CACNA1E: variants seen among roughly 807,000 people sequenced by gnomAD.
The protein encoded by CACNA1E is voltage-dependent R-type calcium channel subunit alpha-1E.
In CACNA1E, 40 loss-of-function variants were observed where a neutral mutation model predicts 259.2. The observed-to-expected ratio is 0.15, with a 90% confidence interval of 0.12 to 0.20. CACNA1E has a LOEUF of 0.20. Among genes scored for constraint, CACNA1E ranks in the 10% least tolerant of loss-of-function variants. CACNA1E has a pLI of 1.00. For synonymous variants in CACNA1E, 1,104 were observed against 1,138.5 expected, an observed-to-expected ratio of 0.97 and a Z score of 0.61; for missense variants, 1,874 against 3,040.1, an observed-to-expected ratio of 0.62 and a Z score of 9.02.
chr1:181,716,967 C>G, intron 10 of CACNA1E, 126 bp from the exon 11 acceptor site: 1 of 729,428 alleles, frequency 1.4e-6, no homozygotes, highest in Non-Finnish European at 2.4e-6. Context: ...TGGGGATTCC[C>G]CACACCTGCA....
Position 181,775,007 on chromosome 1 carries a change from A to G in CACNA1E, c.5140-1094A>G, listed in dbSNP as rs1186756001. ...TATCACCAGGTCCAGGTTTCTCTCT[A>G]TTTACAGATCTCTGCCTCCACCTTG... On this transcript the variant is annotated intron_variant, in intron 37 of 47. Transcript: ENST00000367573. Among the ~76,000 whole-genome samples the G allele has an allele frequency of 3.3e-5, 5 of 152,142 alleles. No homozygotes were observed. In the East Asian group the frequency reaches 5.8e-4, roughly 18 times the overall value.
At chr1:181,662,662 T>C (rs1048281950) in intron 7 of CACNA1E, among the ~76,000 whole-genome samples, 4 of 152,216 alleles carry the variant, frequency 2.6e-5, no homozygotes, top group South Asian at 2.1e-4. Context: ...AAATGTTAGC[T>C]GTTAGTAGCA....
rs1655547376 is a variant in CACNA1E at position 181,732,177 on chromosome 1, T to C, written c.2298-207T>C. ...ACAAAGCAGGGATTGGAGCAGAAAG[T>C]ACCTGGGCTGGGAGGCACCTGCCTG... is the stretch of plus-strand genomic sequence containing the variant. On this transcript the variant is annotated intron_variant, in intron 19 of 47. Transcript: ENST00000367573. The surrounding 1 kb of genome is among the most constrained non-coding windows in gnomAD (Gnocchi z 5.5). Among the ~76,000 whole-genome samples, 1 of 152,040 alleles carries C rather than the reference T, an allele frequency of 6.6e-6. No individual in the cohort carries two copies. The highest frequency in any genetic ancestry group is 1.5e-5 in the Non-Finnish European group (1 of 67,998).
intron 3 of CACNA1E, among the ~76,000 whole-genome samples, chr1:181,545,285 C>A (rs1282427316): frequency 2.0e-5 from 3 of 152,194 alleles, no homozygotes; most frequent in Non-Finnish European, 4.4e-5. Context: ...AAAATATTAA[C>A]CCCTGTTACA....
intron 6 of CACNA1E, among the ~76,000 whole-genome samples, chr1:181,613,301 A>G (rs1654913698): frequency 6.6e-6 from 1 of 152,204 alleles, no homozygotes; most frequent in Non-Finnish European, 1.5e-5. Context: ...AAAAATCCAC[A>G]TATAACTTTT....
intron 29 of CACNA1E, 151 bp from the exon 30 acceptor site, chr1:181,756,774 G>T (rs1658124834): frequency 3.2e-6 from 2 of 619,810 alleles, no homozygotes; most frequent in Admixed American, 5.3e-5. Context: ...TTGATAGCAG[G>T]ATATGACAAC....
chr1:181,483,847 C>G lies in CACNA1E; in HGVS notation c.103C>G (p.Gln35Glu). ...RQGTPVPASG[Q>E]AAAYKQTKAQ... ...AGGAACCCCCGTGCCGGCCTCGGGG[C>G]AGGCGGCCGCCTACAAGCAGACGAA... The change falls in exon 1 of 48, where the codon CAG becomes GAG. Residue 35 changes from glutamine (Q) to glutamate (E), a missense_variant. Coordinates refer to ENST00000367573, the MANE Select transcript of CACNA1E (RefSeq NM_001205293.3). The G allele has an allele frequency of 6.2e-7, 1 of 1,613,766 alleles. No homozygotes were observed. Among genetic ancestry groups the G allele is most frequent in the Non-Finnish European group, 8.5e-7 (1 of 1,179,818 alleles).
At position 181,737,544 on chromosome 1, in the gene CACNA1E, T is replaced by C; in HGVS notation, c.3442T>C (p.Tyr1148His). ...CCGCAGGATCCGGAGGGCCTGCCAC[T>C]ACATCGTGAACCTGCGCTACTTTGA... ...TTNPIRRACHYIVNLRYFEMC... is the reference protein window; with the variant it reads ...TTNPIRRACHHIVNLRYFEMC... The change falls in exon 23 of 48, where the codon TAC becomes CAC. Residue 1148 changes from tyrosine to histidine, a missense_variant. Tyr to His is a moderately conservative substitution (Grantham distance 83). Transcript: ENST00000367573. 6.2e-7 allele frequency: 1 copy of C among 1,613,980 alleles called. No individual in the cohort carries two copies.
chr1:181,586,855 T>C (rs566210851), intron 6 of CACNA1E, among the ~76,000 whole-genome samples: 6 of 151,980 alleles, frequency 3.9e-5, no homozygotes, highest in African/African-American at 1.4e-4. Context: ...TTGAGTGGAG[T>C]AGGAAGGATT....
At chr1:181,560,037 T>C (rs1385149941) in intron 3 of CACNA1E, among the ~76,000 whole-genome samples, 1 of 152,180 alleles carries the variant, frequency 6.6e-6, no homozygotes, top group Non-Finnish European at 1.5e-5. Context: ...TATTTTTTTT[T>C]TCTGTATTTG....
chr1:181,731,103 C>A, intron 18 of CACNA1E, 72 bp from the exon 19 acceptor site: 1 of 1,211,306 alleles, frequency 8.3e-7, no homozygotes. Flanking sequence ...CTCTGGAAAT[C>A]TGCTGGTGGC....
At chr1:181,338,965 T>C (rs1651933456) in intron 1 of CACNA1E, among the ~76,000 whole-genome samples, 1 of 152,186 alleles carries the variant, frequency 6.6e-6, no homozygotes, top group Non-Finnish European at 1.5e-5. Flanking sequence ...CAAAAATTAG[T>C]TGACTGTCTA....
intron 23 of CACNA1E, 99 bp from the exon 24 acceptor site, chr1:181,738,268 G>T: frequency 1.1e-6 from 1 of 898,854 alleles, no homozygotes. Context: ...GAGGGCCAGG[G>T]TGGGCGTGCA....
chr1:181,794,821 G>C (rs752608753), intron 45 of CACNA1E, 43 bp from the exon 46 acceptor site: 1 of 1,550,928 alleles, frequency 6.4e-7, no homozygotes, highest in Non-Finnish European at 8.8e-7. Flanking sequence ...CTTTTCAATC[G>C]TTAATCCATA....
chr1:181,606,705 C>T (rs1654272628), intron 6 of CACNA1E, among the ~76,000 whole-genome samples: 1 of 152,242 alleles, frequency 6.6e-6, no homozygotes, highest in African/African-American at 2.4e-5. Flanking sequence ...AGACGAGTGG[C>T]CTCTGCCAGC....
intron 3 of CACNA1E, among the ~76,000 whole-genome samples, chr1:181,547,852 T>C (rs1647666336): frequency 2.0e-5 from 3 of 152,326 alleles, no homozygotes; most frequent in Middle Eastern, 3.4e-3. Context: ...GCTAATTACC[T>C]CATACATAGA....
chr1:181,596,220 G>A (rs1379239227), intron 6 of CACNA1E, among the ~76,000 whole-genome samples: 1 of 152,170 alleles, frequency 6.6e-6, no homozygotes, highest in Non-Finnish European at 1.5e-5. Context: ...CCCCTTTGCT[G>A]GGGGATCTTG....
intron 5 of CACNA1E, 128 bp downstream of exon 5, chr1:181,579,352 T>G (rs529741881): frequency 1.3e-6 from 1 of 752,200 alleles, no homozygotes; most frequent in Admixed American, 2.6e-5. Flanking sequence ...AATCAGAAGC[T>G]TCTAGTCAGC....
At chr1:181,498,013 C>T (rs1033415089) in intron 1 of CACNA1E, among the ~76,000 whole-genome samples, 24 of 152,176 alleles carry the variant, frequency 1.6e-4, no homozygotes, top group Non-Finnish European at 3.1e-4. Flanking sequence ...TATCTGTCTG[C>T]AGAGCGCGTT....
Sources: allele counts gnomAD v4.1 joint callset (sites outside exome capture counted in the v4.1 genomes callset), GRCh38; gene constraint gnomAD v4.1.1; non-coding constraint Gnocchi (gnomAD v3.1); transcripts MANE v1.5; gene names NCBI Gene and HGNC (gene_info 2026-07-23, HGNC 2026-07-21).